Variants in DNAH6 observed in about 807,000 individuals in gnomAD.
DNAH6 encodes dynein axonemal heavy chain 6, also known as axonemal beta dynein heavy chain 6.
A neutral mutation model predicts 491.4 loss-of-function variants in DNAH6; 340 were observed. The observed-to-expected ratio is 0.69, with a 90% confidence interval of 0.63 to 0.76. The LOEUF (loss-of-function observed/expected upper bound fraction) is 0.76. Among genes scored for constraint, DNAH6 ranks in the 30% least tolerant of loss-of-function variants. The pLI, the probability that DNAH6 is intolerant of heterozygous loss-of-function variation, is 0.00. For missense variants in DNAH6, 4,443 were observed against 4,972.2 expected, an observed-to-expected ratio of 0.89 and a Z score of 3.20; for synonymous variants, 1,603 against 1,686.1, an observed-to-expected ratio of 0.95 and a Z score of 1.21.
At chr2:84,508,036 G>C in the DNAH6 span, among the ~76,000 whole-genome samples, 1 of 152,020 alleles carries the variant, frequency 6.6e-6, no homozygotes, top group Admixed American at 6.5e-5. Context: ...CTCTTTTTTG[G>C]TTGTGTCTCT....
At position 84,659,150 on chromosome 2, in the gene DNAH6, A is replaced by T; in HGVS notation, c.6065A>T (p.Asp2022Val). ...GATACATTTATTAGAACACAATTTG[A>T]TGATAATCCTGATGCCAGGGTAAGA... is the stretch of plus-strand genomic sequence containing the variant. ...SFDTFIRTQF[D>V]DNPDARLPNS... Residue 2022 changes from aspartate (D) to valine (V), a missense_variant, in exon 37 of 77, where the codon GAT (aspartate) becomes GTT (valine). By Grantham distance (152) the Asp-to-Val change is radical. Coordinates refer to ENST00000389394, the MANE Select transcript of DNAH6 (RefSeq NM_001370.2). 1 of 1,479,636 alleles carries T rather than the reference A, an allele frequency of 6.8e-7. No individual in the cohort carries two copies. Among genetic ancestry groups the T allele is most frequent in the Non-Finnish European group, 9.1e-7 (1 of 1,099,662 alleles). 91.7% of individuals were successfully genotyped at this position (1,479,636 alleles called of 1,614,324 possible). A position where few individuals can be genotyped will look rare whatever the true frequency, so the allele number is the denominator to read the frequency against.
chr2:84,511,817 T>A (rs1675342273), upstream of DNAH6, among the ~76,000 whole-genome samples: 1 of 152,202 alleles, frequency 6.6e-6, no homozygotes, highest in Non-Finnish European at 1.5e-5. Context: ...TATGATGTAT[T>A]ACATTTATGA....
intron 52 of DNAH6, among the ~76,000 whole-genome samples, chr2:84,705,997 C>G (rs79709094): frequency 0.18 from 27,480 of 152,136 alleles, 2,683 homozygotes; most frequent in African/African-American, 0.24. Context: ...GAATTAATCT[C>G]TTTCTTTAAG....
intron 43 of DNAH6, 70 bp from the exon 44 acceptor site, chr2:84,686,414 T>C (rs569806908): frequency 7.9e-6 from 7 of 880,570 alleles, no homozygotes; most frequent in African/African-American, 3.4e-5. Flanking sequence ...TTATTCTATA[T>C]GTTTTATCAC....
At chr2:84,549,045 A>G (rs1350383454) in intron 8 of DNAH6, among the ~76,000 whole-genome samples, 1 of 152,172 alleles carries the variant, frequency 6.6e-6, no homozygotes, top group East Asian at 1.9e-4. Flanking sequence ...AGAGAGAGAA[A>G]TATCCCTCCT....
chr2:84,686,602 CA>C, intron 44 of DNAH6, 45 bp downstream of exon 44: 1 of 1,118,758 alleles, frequency 8.9e-7, no homozygotes. Context: ...AATTGTAAAG[CA>C]TTTATTATTT....
chr2:84,468,064 A>C, the DNAH6 span, among the ~76,000 whole-genome samples: 1,683 of 152,312 alleles, frequency 0.011, 28 homozygotes, highest in African/African-American at 0.039. Context: ...TGACCTACAT[A>C]ATTTAGACTA....
chr2:84,625,710 A>C (rs1687797670), intron 29 of DNAH6, among the ~76,000 whole-genome samples: 1 of 152,192 alleles, frequency 6.6e-6, no homozygotes, highest in Non-Finnish European at 1.5e-5. Context: ...ACATTGTCCC[A>C]CTATTTTATA....
chr2:84,643,177 A>G (rs1452158979), intron 33 of DNAH6, among the ~76,000 whole-genome samples: 1 of 152,026 alleles, frequency 6.6e-6, no homozygotes, highest in African/African-American at 2.4e-5. Flanking sequence ...TTTTCCTCAT[A>G]TGTTTCACTC....
At chr2:84,634,712 T>C (rs775143807) in intron 30 of DNAH6, 71 bp downstream of exon 30, 98 of 1,397,916 alleles carry the variant, frequency 7.0e-5, no homozygotes, top group Admixed American at 5.3e-4. Context: ...GAATGTTACA[T>C]TTTAGGAAGG....
intron 37 of DNAH6, among the ~76,000 whole-genome samples, chr2:84,669,064 G>T (rs1573424820): frequency 6.6e-6 from 1 of 152,126 alleles, no homozygotes; most frequent in Admixed American, 6.5e-5. Flanking sequence ...TCTGACATGG[G>T]TTTTAATATA....
Position 84,604,432 on chromosome 2 carries a change from G to A in DNAH6, c.2962G>A (p.Glu988Lys). The A allele has an allele frequency of 6.4e-7, 1 of 1,552,022 alleles. No individual in the cohort carries two copies. The highest frequency in any genetic ancestry group is 2.4e-5 in the East Asian group (1 of 40,930). The change falls in exon 19 of 77, where the codon GAA becomes AAA. Residue 988 changes from glutamate to lysine, a missense_variant. Physicochemically the swap from Glu to Lys is moderately conservative, Grantham distance 56. Transcript: ENST00000389394. The part of the protein sequence containing the change: ...QTVDATLVDA[E>K]IPLTLERLSQ... ...AGTTGATGCCACTCTAGTGGATGCT[G>A]AAATTCCATTAACCTTGGAGAGGCT...
rs184617830 is a variant in DNAH6 at position 84,640,534 on chromosome 2, C to T, written c.4926C>T (p.Tyr1642=). 67 of 1,551,112 alleles carry T rather than the reference C, an allele frequency of 4.3e-5. No homozygotes were observed. In the African/African-American group the frequency reaches 4.5e-4, roughly 10 times the overall value. ...CSEQLSQQDH[Y]DFGMRAVKSV... ...AGCAGCTGTCTCAGCAGGATCACTA[C>T]GACTTTGGCATGAGAGCTGTGAAGT... The change falls in exon 32 of 77, where the codon TAC becomes TAT. Residue 1642 remains tyrosine, a synonymous_variant. Transcript: ENST00000389394.
intron 64 of DNAH6, chr2:84,777,835 A>T: frequency 8.3e-7 from 1 of 1,207,192 alleles, no homozygotes; most frequent in Non-Finnish European, 1.2e-6. Flanking sequence ...TATCCACTGG[A>T]TTTGAAACAA....
intron 63 of DNAH6, among the ~76,000 whole-genome samples, chr2:84,759,970 A>T (rs1674410684): frequency 6.6e-6 from 1 of 152,212 alleles, no homozygotes; most frequent in South Asian, 2.1e-4. Flanking sequence ...AAATAAATAC[A>T]TAGATCAATG....
At chr2:84,500,482 C>T in the DNAH6 span, among the ~76,000 whole-genome samples, 1 of 152,236 alleles carries the variant, frequency 6.6e-6, no homozygotes, top group East Asian at 1.9e-4. Context: ...AAGTTTTGCT[C>T]TTTTTGCTCA....
intron 26 of DNAH6, among the ~76,000 whole-genome samples, chr2:84,623,167 T>C (rs1299666709): frequency 6.6e-6 from 1 of 152,148 alleles, no homozygotes; most frequent in African/African-American, 2.4e-5. Flanking sequence ...GGGGAAAAGC[T>C]TTGACAATGG....
intron 64 of DNAH6, among the ~76,000 whole-genome samples, chr2:84,767,270 T>C (rs1675162657): frequency 1.3e-5 from 2 of 152,184 alleles, no homozygotes; most frequent in Admixed American, 6.5e-5. Flanking sequence ...CAGTGGCTTA[T>C]GCCTGTAATC....
At chr2:84,571,440 C>A (rs1054289286) in intron 11 of DNAH6, among the ~76,000 whole-genome samples, 2 of 152,154 alleles carry the variant, frequency 1.3e-5, no homozygotes, top group Non-Finnish European at 2.9e-5. Context: ...ACAACAAATG[C>A]CTTGTGAGAT....
Sources: allele counts gnomAD v4.1 joint callset (sites outside exome capture counted in the v4.1 genomes callset), GRCh38; gene constraint gnomAD v4.1.1; transcripts MANE v1.5; gene names NCBI Gene and HGNC (gene_info 2026-07-23, HGNC 2026-07-21).